The following ESRRG variants were observed in gnomAD, a reference collection of about 807,000 sequenced individuals.
ESRRG encodes estrogen related receptor gamma.
A neutral mutation model predicts 44.0 loss-of-function variants in ESRRG; 13 were observed. The ratio of observed to expected loss-of-function variants is 0.30; its 90% CI spans 0.19 to 0.47. The LOEUF is 0.47. Among genes scored for constraint, ESRRG ranks in the 20% least tolerant of loss-of-function variants. The pLI is 1.00. For synonymous variants in ESRRG, 215 were observed against 214.6 expected (o/e 1.00, Z -0.02); for missense variants, 395 against 580.6 (o/e 0.68, Z 3.29).
intron 3 of ESRRG, among the ~76,000 whole-genome samples, chr1:216,597,502 G>T (rs978204975): frequency 2.0e-5 from 3 of 152,078 alleles, no homozygotes; most frequent in Non-Finnish European, 4.4e-5. Flanking sequence ...TTGGAACTGT[G>T]TTTTCTAACA....
chr1:216,676,624 A>C (rs2076159954), intron 2 of ESRRG, among the ~76,000 whole-genome samples: 1 of 152,178 alleles, frequency 6.6e-6, no homozygotes, highest in South Asian at 2.1e-4. Context: ...TGGAGGTAGG[A>C]CCCAGGAATC....
intron 1 of ESRRG, 75 bp from the exon 2 acceptor site, chr1:216,677,566 C>A (rs1197265738): frequency 1.5e-5 from 19 of 1,229,912 alleles, no homozygotes; most frequent in African/African-American, 3.1e-5. Context: ...GAGGTAGAAA[C>A]AAAAGAGATG....
At chr1:216,706,630 G>C (rs903623489) in intron 1 of ESRRG, among the ~76,000 whole-genome samples, 1 of 152,166 alleles carries the variant, frequency 6.6e-6, no homozygotes, top group Admixed American at 6.5e-5. Context: ...CAAGCACTCA[G>C]TAACATGTAG....
chr1:216,519,091 G>C, intron 6 of ESRRG, 61 bp downstream of exon 6: 1 of 1,468,298 alleles, frequency 6.8e-7, no homozygotes, highest in Non-Finnish European at 9.4e-7. Flanking sequence ...AAGAAGTTAA[G>C]GAGAGGGGTA....
intron 1 of ESRRG, among the ~76,000 whole-genome samples, chr1:217,086,968 C>T (rs1027642794): frequency 2.7e-4 from 41 of 151,962 alleles, no homozygotes; most frequent in African/African-American, 9.4e-4. Flanking sequence ...CATCTGTAAA[C>T]AAAAGGAGAA....
At chr1:217,046,449 G>C (rs1178772515) in intron 1 of ESRRG, among the ~76,000 whole-genome samples, 1 of 152,120 alleles carries the variant, frequency 6.6e-6, no homozygotes, top group Admixed American at 6.5e-5. Flanking sequence ...CCCACCTTCA[G>C]ATAACATTCA....
intron 1 of ESRRG, among the ~76,000 whole-genome samples, chr1:216,988,013 C>T (rs952053071): frequency 6.6e-6 from 1 of 152,136 alleles, no homozygotes; most frequent in Admixed American, 6.5e-5. Context: ...GGCTGCCTTT[C>T]CTTCTCTGTC....
intron 1 of ESRRG, among the ~76,000 whole-genome samples, chr1:217,126,977 C>A (rs1302451213): frequency 1.3e-5 from 2 of 152,122 alleles, no homozygotes; most frequent in African/African-American, 4.8e-5. Context: ...TTATTATTTA[C>A]CTTTTGTGCA....
intron 1 of ESRRG, among the ~76,000 whole-genome samples, chr1:216,691,229 T>C (rs2078996657): frequency 6.6e-6 from 1 of 151,952 alleles, no homozygotes; most frequent in East Asian, 1.9e-4. Flanking sequence ...GAAGTAGAAA[T>C]AAGAAAAAGA....
rs11572677 is a variant in ESRRG, at chr1:216,706,550, C to CA, written c.56+16693dup. ...TGCAATCCTGTAATACTATAACACA[C>CA]AAAAAAACTGCATTGCATATCACTT... On this transcript the variant is annotated intron_variant, in intron 1 of 6. Transcript: ENST00000408911. 4.2e-3 allele frequency among the ~76,000 whole-genome samples: 642 copies of CA among 152,148 alleles called. 2 individuals are homozygous for CA. Among genetic ancestry groups the CA allele is most frequent in the African/African-American group, 0.015 (619 of 41,512 alleles).
At chr1:216,679,481 T>C (rs1302262044) in intron 1 of ESRRG, among the ~76,000 whole-genome samples, 1 of 152,108 alleles carries the variant, frequency 6.6e-6, no homozygotes. Context: ...ACATACATTA[T>C]GATCTTAGAC....
At chr1:217,097,500 A>C (rs2151560966) in intron 1 of ESRRG, among the ~76,000 whole-genome samples, 1 of 152,270 alleles carries the variant, frequency 6.6e-6, no homozygotes, top group South Asian at 2.1e-4. Context: ...AGAAAAAGAA[A>C]ATGACAGCAG....
At chr1:216,850,700 C>T (rs944098144) in intron 2 of ESRRG, among the ~76,000 whole-genome samples, 22 of 151,784 alleles carry the variant, frequency 1.4e-4, no homozygotes, top group African/African-American at 5.3e-4. Flanking sequence ...TATCATTTCC[C>T]CTAGAAATTA....
intron 2 of ESRRG, among the ~76,000 whole-genome samples, chr1:216,803,031 T>TG (rs2094673523): frequency 6.6e-6 from 1 of 152,122 alleles, no homozygotes; most frequent in Non-Finnish European, 1.5e-5. Flanking sequence ...GTCCAGATTC[T>TG]GTGACATCAG....
chr1:216,698,757 G>A (rs1161503660), intron 1 of ESRRG, among the ~76,000 whole-genome samples: 1 of 152,198 alleles, frequency 6.6e-6, no homozygotes, highest in African/African-American at 2.4e-5. Context: ...TAAGGAGTTT[G>A]GTTTCATCAC....
At chr1:216,964,756 A>G (rs2150215568) in intron 1 of ESRRG, among the ~76,000 whole-genome samples, 1 of 152,106 alleles carries the variant, frequency 6.6e-6, no homozygotes, top group African/African-American at 2.4e-5. Flanking sequence ...GGAAAAAAAA[A>G]ACCTCTGGCA....
chr1:216,611,096 G>C (rs957563167), intron 3 of ESRRG, among the ~76,000 whole-genome samples: 1 of 151,414 alleles, frequency 6.6e-6, no homozygotes, highest in Admixed American at 6.6e-5. Flanking sequence ...CCAGCTACTC[G>C]GGAGGCTGAG....
chr1:216,955,724 TG>T (rs1275146285), intron 1 of ESRRG, among the ~76,000 whole-genome samples: 1 of 152,190 alleles, frequency 6.6e-6, no homozygotes, highest in African/African-American at 2.4e-5. Context: ...TTTGTCTTTT[TG>T]GTAATAGCCA....
chr1:216,694,931 G>A (rs895336173), intron 1 of ESRRG, among the ~76,000 whole-genome samples: 1 of 152,036 alleles, frequency 6.6e-6, no homozygotes, highest in African/African-American at 2.4e-5. Context: ...TTCCTATCAT[G>A]TTTTAAGCCT....
Sources: gnomAD v4.1 joint callset for allele counts (sites outside exome capture counted in the v4.1 genomes callset) on GRCh38, gnomAD v4.1.1 for gene constraint, MANE v1.5 for transcripts, NCBI Gene and HGNC (gene_info 2026-07-23, HGNC 2026-07-21) for gene names.